FLT1: variants seen among roughly 807,000 people sequenced by gnomAD.
FLT1 encodes the protein fms related receptor tyrosine kinase 1.
A neutral mutation model predicts 156.3 loss-of-function variants in FLT1; 49 were observed. The observed-to-expected ratio is 0.31, with a 90% CI of 0.25 to 0.40. The LOEUF (loss-of-function observed/expected upper bound fraction) is 0.40. Ranked by LOEUF, FLT1 falls within the 10% of genes least tolerant of loss-of-function variation. The pLI, the probability that FLT1 is intolerant of heterozygous loss-of-function variation, is 1.00. For missense variants in FLT1, 1,322 were observed against 1,637.2 expected, an observed-to-expected ratio of 0.81 and a Z score of 3.32; for synonymous variants, 594 against 583.8, an observed-to-expected ratio of 1.02 and a Z score of -0.25.
At chr13:28,456,438 A>G (rs1416982311) in intron 3 of FLT1, among the ~76,000 whole-genome samples, 3 of 152,184 alleles carry the variant, frequency 2.0e-5, no homozygotes, top group Non-Finnish European at 2.9e-5. Context: ...TGAAAAGGCT[A>G]CATACTGTAT....
chr13:28,334,170 T>C (rs770903532), intron 17 of FLT1, 41 bp from the exon 18 acceptor site: 10 of 1,311,644 alleles, frequency 7.6e-6, no homozygotes, highest in East Asian at 4.6e-5. Context: ...GCCGAGGCAA[T>C]AGGGTGAGTT....
intron 26 of FLT1, 94 bp from the exon 27 acceptor site, chr13:28,311,826 A>C: frequency 7.0e-7 from 1 of 1,419,058 alleles, no homozygotes; most frequent in Non-Finnish European, 1.0e-6. Context: ...TCATTTGCAC[A>C]ATCTTGGTTG....
intron 6 of FLT1, 77 bp from the exon 7 acceptor site, chr13:28,431,387 T>A (rs771081361): frequency 9.6e-7 from 1 of 1,042,268 alleles, no homozygotes; most frequent in Non-Finnish European, 1.5e-6. Flanking sequence ...TAACATTTCT[T>A]AGATCATTAG....
chr13:28,411,173 C>A (rs1282954268), intron 10 of FLT1, among the ~76,000 whole-genome samples: 1 of 151,918 alleles, frequency 6.6e-6, no homozygotes, highest in Non-Finnish European at 1.5e-5. Context: ...GGCATAAATT[C>A]TAGTTCGTTT....
intron 29 of FLT1, 57 bp from the exon 30 acceptor site, chr13:28,303,425 G>T: frequency 6.7e-7 from 1 of 1,492,708 alleles, no homozygotes; most frequent in Non-Finnish European, 9.2e-7. Context: ...AGAAAACAAA[G>T]ACACTAAAAT....
At position 28,323,798 on chromosome 13, in the gene FLT1, C is replaced by A. The variant is rs536555335; in HGVS notation, c.2797-852G>T. Among the ~76,000 whole-genome samples the A allele has an allele frequency of 2.6e-5, 4 of 152,262 alleles. No individual in the cohort carries two copies. The South Asian group carries it at 8.3e-4, about 32-fold the overall frequency. On this transcript the variant is annotated intron_variant, in intron 20 of 29. Transcript: ENST00000282397. ...TCCTCAGTGTGCTTGGTGCTTCACT[C>A]TGTAATCCCTAGGAGGAGTTATAAG...
intron 3 of FLT1, among the ~76,000 whole-genome samples, chr13:28,462,662 T>G (rs1436423878): frequency 6.6e-6 from 1 of 152,234 alleles, no homozygotes; most frequent in Non-Finnish European, 1.5e-5. Context: ...GGTAATTTAG[T>G]GTGGCAAACC....
chr13:28,467,378 T>C, intron 2 of FLT1, 143 bp downstream of exon 2: 1 of 697,914 alleles, frequency 1.4e-6, no homozygotes, highest in East Asian at 2.7e-5. Flanking sequence ...ATGAATCCCC[T>C]TTCATGGGAA....
chr13:28,397,752 G>A (rs1209748908), intron 11 of FLT1, among the ~76,000 whole-genome samples: 1 of 53,410 alleles, frequency 1.9e-5, no homozygotes, highest in Non-Finnish European at 3.8e-5. Flanking sequence ...AGGAGACCGT[G>A]TGTGTGTGTG....
chr13:28,444,013 A>G (rs959603762), intron 3 of FLT1, among the ~76,000 whole-genome samples: 1 of 152,240 alleles, frequency 6.6e-6, no homozygotes, highest in Non-Finnish European at 1.5e-5. Flanking sequence ...ATCCTTGAGG[A>G]AGATATAACA....
At chr13:28,450,890 C>T (rs1236050781) in intron 3 of FLT1, among the ~76,000 whole-genome samples, 1 of 152,128 alleles carries the variant, frequency 6.6e-6, no homozygotes, top group African/African-American at 2.4e-5. Context: ...AAAATCTGGC[C>T]CTGACACTCC....
At chr13:28,467,982 A>T in intron 1 of FLT1, among the ~76,000 whole-genome samples, 1 of 152,232 alleles carries the variant, frequency 6.6e-6, no homozygotes, top group South Asian at 2.1e-4. Context: ...CTCAAGAATA[A>T]ATGTCAGTGT....
At chr13:28,376,261 A>T (rs559678426) in intron 14 of FLT1, among the ~76,000 whole-genome samples, 7 of 152,214 alleles carry the variant, frequency 4.6e-5, no homozygotes, top group Non-Finnish European at 1.0e-4. Context: ...AGAAGATTTC[A>T]TTTAAGAAGG....
chr13:28,460,671 C>T (rs146433814), intron 3 of FLT1, among the ~76,000 whole-genome samples: 1,966 of 140,020 alleles, frequency 0.014, 25 homozygotes, highest in Non-Finnish European at 0.022. Flanking sequence ...ACCCCACCCC[C>T]CCAAAAAATC....
intron 25 of FLT1, among the ~76,000 whole-genome samples, chr13:28,315,480 C>T (rs1871160626): frequency 6.6e-6 from 1 of 152,192 alleles, no homozygotes; most frequent in Non-Finnish European, 1.5e-5. Context: ...GACTTGAACT[C>T]AGGAGGTGGA....
chr13:28,360,127 C>A (rs953904895), intron 14 of FLT1, among the ~76,000 whole-genome samples: 3 of 151,950 alleles, frequency 2.0e-5, no homozygotes, highest in East Asian at 3.9e-4. Context: ...AAGAAAAAAA[C>A]CAAATGAGAT....
intron 1 of FLT1, among the ~76,000 whole-genome samples, chr13:28,473,698 A>G (rs76322650): frequency 1.2e-4 from 12 of 102,020 alleles, no homozygotes; most frequent in Admixed American, 4.2e-4. Flanking sequence ...AGAGAGAAAG[A>G]AAAGAAAGAA....
Position 28,438,316 on chromosome 13 carries a change from T to C in FLT1, c.418A>G (p.Ser140Gly). The C allele has an allele frequency of 1.2e-6, 2 of 1,611,634 alleles. No individual in the cohort carries two copies. Among genetic ancestry groups the C allele is most frequent in the Non-Finnish European group, 1.7e-6 (2 of 1,177,708 alleles). The stretch of plus-strand genomic sequence containing the variant: ...ATGTGTATAATTTCGGGGATTTCAC[T>C]GTACATCTCTACGAAAGGTCTACCT... ...DTGRPFVEMYSEIPEIIHMTE... is the reference protein window; with the variant it reads ...DTGRPFVEMYGEIPEIIHMTE... The change falls in exon 4 of 30, where the codon AGT (serine) becomes GGT (glycine). Residue 140 changes from serine (S) to glycine (G), a missense_variant. By Grantham distance (56) the Ser-to-Gly change is moderately conservative (BLOSUM62 0). Transcript: ENST00000282397.
intron 1 of FLT1, among the ~76,000 whole-genome samples, chr13:28,484,474 T>C (rs1407349370): frequency 1.3e-5 from 2 of 152,176 alleles, no homozygotes; most frequent in Non-Finnish European, 2.9e-5. Flanking sequence ...CTTGATGGCT[T>C]TGGGGCTCCT....
Sources: allele counts gnomAD v4.1 joint callset (sites outside exome capture counted in the v4.1 genomes callset), GRCh38; gene constraint gnomAD v4.1.1; transcripts MANE v1.5; gene names NCBI Gene and HGNC (gene_info 2026-07-23, HGNC 2026-07-21).